TDRD9: variants seen among roughly 807,000 people sequenced by gnomAD.
TDRD9 encodes the protein tudor domain containing 9.
A neutral mutation model predicts 172.6 loss-of-function variants in TDRD9; 124 were observed. The ratio of observed to expected loss-of-function variants is 0.72; its 90% CI spans 0.62 to 0.83. The LOEUF (loss-of-function observed/expected upper bound fraction) is 0.83. TDRD9 is among the 40% of genes least tolerant of loss of function. The pLI, the probability that TDRD9 is intolerant of heterozygous loss-of-function variation, is 0.00. For missense variants in TDRD9, 1,479 were observed against 1,714.1 expected (o/e 0.86, Z 2.42); for synonymous variants, 619 against 617.1 (o/e 1.00, Z -0.05).
intron 11 of TDRD9, among the ~76,000 whole-genome samples, chr14:103,995,360 G>A (rs1054279294): frequency 3.9e-5 from 6 of 152,138 alleles, no homozygotes; most frequent in Non-Finnish European, 5.9e-5. Flanking sequence ...GATTGCTTTG[G>A]AATCTCTAGG....
chr14:103,933,479 A>G (rs1462184154), intron 1 of TDRD9, among the ~76,000 whole-genome samples: 1 of 152,212 alleles, frequency 6.6e-6, no homozygotes, highest in Non-Finnish European at 1.5e-5. Context: ...AGCCTTCATC[A>G]TAGGAAGCTT....
intron 7 of TDRD9, 70 bp from the exon 8 acceptor site, chr14:103,986,147 C>T: frequency 2.7e-6 from 3 of 1,103,124 alleles, no homozygotes; most frequent in Non-Finnish European, 4.1e-6. Flanking sequence ...GAGAGCCAGT[C>T]CCATCCAACG....
intron 32 of TDRD9, among the ~76,000 whole-genome samples, chr14:104,038,301 CA>C (rs773832381): frequency 1.3e-5 from 2 of 152,120 alleles, no homozygotes; most frequent in African/African-American, 2.4e-5. Context: ...ATTAAACAAA[CA>C]AAAAATTGAA....
intron 2 of TDRD9, among the ~76,000 whole-genome samples, 173 bp from the exon 3 acceptor site, chr14:103,962,906 T>C (rs1173606265): frequency 2.6e-5 from 4 of 152,162 alleles, no homozygotes; most frequent in African/African-American, 9.7e-5. Context: ...GTTCGTTCCA[T>C]GTCTTTGGTA....
chr14:103,986,372 A>C, intron 8 of TDRD9, 52 bp downstream of exon 8: 1 of 1,332,148 alleles, frequency 7.5e-7, no homozygotes, highest in Non-Finnish European at 1.0e-6. Context: ...TGATTTAAAA[A>C]ATTATTCATT....
At position 103,970,565 on chromosome 14, in the gene TDRD9, G is replaced by C; in HGVS notation, c.790G>C (p.Asp264His). 1.3e-6 allele frequency: 2 copies of C among 1,551,728 alleles called. No homozygotes were observed. The highest frequency in any genetic ancestry group is 1.7e-6 in the Non-Finnish European group (2 of 1,146,954). ...DEVHERTEEM[D>H]FLLLVVRKLL... ...GGTACACGAACGAACAGAAGAAATGGATTTCCTGCTATTGGTAGTCCGCAA... is the reference window on the plus strand; with the variant it reads ...GGTACACGAACGAACAGAAGAAATGCATTTCCTGCTATTGGTAGTCCGCAA... The change falls in exon 6 of 36, where the codon GAT becomes CAT. Residue 264 changes from aspartate to histidine, a missense_variant. Physicochemically the swap from Asp to His is moderately conservative, Grantham distance 81. Coordinates refer to ENST00000409874, the MANE Select transcript of TDRD9 (RefSeq NM_153046.3).
In TDRD9 at chr14:104,004,280, T is replaced by A. The variant is rs76729958; in HGVS notation, c.1526T>A (p.Val509Glu). ...RVSRGYCYRL[V>E]HKDFWDNSIP... is the part of the protein sequence containing the mutation. ...TCTAGAGGGTACTGTTACCGGCTGGTACACAAGGATTTCTGGGACAACTCC... is the reference window on the plus strand; with the variant it reads ...TCTAGAGGGTACTGTTACCGGCTGGAACACAAGGATTTCTGGGACAACTCC... Residue 509 changes from valine (V) to glutamate (E), a missense_variant, in exon 14 of 36, where the codon GTA becomes GAA. Transcript: ENST00000409874. 5.0e-6 allele frequency: 8 copies of A among 1,603,500 alleles called. No homozygotes were observed. The highest frequency in any genetic ancestry group is 1.3e-5 in the African/African-American group (1 of 74,836).
At chr14:103,991,424 C>CCTTTTT (rs2152197499) in intron 9 of TDRD9, among the ~76,000 whole-genome samples, 200 bp downstream of exon 9, 1 of 150,962 alleles carries the variant, frequency 6.6e-6, no homozygotes, top group East Asian at 1.9e-4. Context: ...TTTTCCTTTT[C>CCTTTTT]CTTTTTCTAG....
intron 2 of TDRD9, among the ~76,000 whole-genome samples, chr14:103,960,236 A>G (rs893944186): frequency 1.3e-5 from 2 of 151,752 alleles, no homozygotes; most frequent in Non-Finnish European, 2.9e-5. Context: ...TCTTAAGTTC[A>G]CCATGTGAAC....
At chr14:104,037,515 A>G (rs902974680) in intron 32 of TDRD9, among the ~76,000 whole-genome samples, 2 of 152,220 alleles carry the variant, frequency 1.3e-5, no homozygotes, top group Non-Finnish European at 2.9e-5. Context: ...CACCTCTAAC[A>G]TACTCTTTGT....
chr14:104,019,517 C>T (rs1462040337), intron 23 of TDRD9, among the ~76,000 whole-genome samples: 1 of 152,122 alleles, frequency 6.6e-6, no homozygotes. Context: ...TTCCAGCTCT[C>T]AAGTCATAAT....
chr14:104,010,252 T>C (rs1262035994), intron 20 of TDRD9, among the ~76,000 whole-genome samples: 1 of 133,452 alleles, frequency 7.5e-6, no homozygotes, highest in Non-Finnish European at 1.7e-5. Context: ...TCCTAATTTT[T>C]TTTATTCTTT....
At chr14:104,019,460 C>A (rs1286152406) in intron 23 of TDRD9, among the ~76,000 whole-genome samples, 2 of 152,050 alleles carry the variant, frequency 1.3e-5, no homozygotes, top group African/African-American at 4.8e-5. Context: ...CCTCCCATTG[C>A]CTGGGACCTT....
intron 1 of TDRD9, among the ~76,000 whole-genome samples, chr14:103,944,526 A>G (rs898353732): frequency 6.6e-6 from 1 of 150,552 alleles, no homozygotes; most frequent in African/African-American, 2.4e-5. Flanking sequence ...TTATAGAAAG[A>G]CTGGTTTGGT....
intron 32 of TDRD9, among the ~76,000 whole-genome samples, chr14:104,037,218 G>A (rs971079427): frequency 1.3e-5 from 2 of 152,172 alleles, no homozygotes; most frequent in African/African-American, 4.8e-5. Flanking sequence ...TGTCTTAGGT[G>A]TGTTCCGGAG....
chr14:104,011,555 A>G (rs918104007), intron 20 of TDRD9, among the ~76,000 whole-genome samples: 9 of 152,196 alleles, frequency 5.9e-5, no homozygotes, highest in African/African-American at 1.7e-4. Flanking sequence ...AAAAATTTCA[A>G]TACCCCTGGT....
intron 20 of TDRD9, 83 bp from the exon 21 acceptor site, chr14:104,014,642 T>G: frequency 4.0e-6 from 3 of 741,682 alleles, no homozygotes; most frequent in Non-Finnish European, 4.8e-6. Context: ...ACTTTACCCG[T>G]TGTGCACTTA....
chr14:104,022,456 G>T, intron 24 of TDRD9, 126 bp downstream of exon 24: 2 of 994,878 alleles, frequency 2.0e-6, no homozygotes, highest in Non-Finnish European at 2.9e-6. Context: ...GGCTGGGTGT[G>T]GGGGCTCACG....
chr14:104,027,323 G>A, intron 28 of TDRD9, among the ~76,000 whole-genome samples: 1 of 152,040 alleles, frequency 6.6e-6, no homozygotes, highest in East Asian at 1.9e-4. Flanking sequence ...GTACTTCCAG[G>A]TGTGAGCCAC....
Sources: gnomAD v4.1 joint callset for allele counts (sites outside exome capture counted in the v4.1 genomes callset) on GRCh38, gnomAD v4.1.1 for gene constraint, MANE v1.5 for transcripts, NCBI Gene and HGNC (gene_info 2026-07-23, HGNC 2026-07-21) for gene names.